Variants in ETV1 observed in about 807,000 individuals in gnomAD.
ETV1 encodes the protein ETS variant transcription factor 1.
ETV1 carries 27 observed loss-of-function variants against 62.3 expected under a neutral mutation model. The observed-to-expected ratio is 0.43, with a 90% confidence interval of 0.32 to 0.60. The LOEUF (loss-of-function observed/expected upper bound fraction) is 0.60, where lower values mean the gene tolerates loss of function less well. ETV1 is among the 20% of genes least tolerant of loss of function. The pLI, the probability that ETV1 is intolerant of heterozygous loss-of-function variation, is 0.06. For missense variants in ETV1, 605 were observed against 605.8 expected (o/e 1.00, Z 0.01); for synonymous variants, 222 against 199.6 (o/e 1.11, Z -0.94).
chr7:13,976,581 C>T (rs1167726648), intron 6 of ETV1, among the ~76,000 whole-genome samples: 1 of 152,136 alleles, frequency 6.6e-6, no homozygotes, highest in South Asian at 2.1e-4. Context: ...ATTTAGATGT[C>T]ACCAACAGAA....
intron 6 of ETV1, among the ~76,000 whole-genome samples, chr7:13,974,677 T>C (rs926138006): frequency 6.6e-6 from 1 of 152,210 alleles, no homozygotes; most frequent in Non-Finnish European, 1.5e-5. Flanking sequence ...CAATTTGAGG[T>C]TTATTGTAAA....
Position 13,989,604 on chromosome 7 carries a change from C to G in ETV1, c.-326G>C, listed in dbSNP as rs1583925200. On this transcript the variant is annotated 5_prime_UTR_variant, in exon 1 of 14. Coordinates refer to ENST00000430479, the MANE Select transcript of ETV1 (RefSeq NM_004956.5). ...GCGAAAGGCTGCAAAAACTTCCCTC[C>G]AAATTTAATAAAAACATTAATTATA... 5.0e-6 allele frequency: 2 copies of G among 398,908 alleles called. No individual in the cohort carries two copies. The highest frequency in any genetic ancestry group is 4.4e-6 in the Non-Finnish European group (1 of 226,120). The allele number at this position is 398,908 out of a possible 1,614,324, so 24.7% of individuals were successfully genotyped here. A position where few individuals can be genotyped will look rare whatever the true frequency, so the allele number is the denominator to read the frequency against.
At chr7:13,970,058 C>T (rs1285308250) in intron 6 of ETV1, among the ~76,000 whole-genome samples, 1 of 151,672 alleles carries the variant, frequency 6.6e-6, no homozygotes, top group African/African-American at 2.4e-5. Flanking sequence ...AGATGGAGAC[C>T]ATACTGGCTA....
chr7:13,947,322 A>C (rs539780269), intron 6 of ETV1, among the ~76,000 whole-genome samples: 1 of 151,946 alleles, frequency 6.6e-6, no homozygotes, highest in African/African-American at 2.4e-5. Flanking sequence ...TGTTGACTTA[A>C]CAAACTGGTT....
At chr7:13,969,994 C>T (rs951369939) in intron 6 of ETV1, among the ~76,000 whole-genome samples, 3 of 151,944 alleles carry the variant, frequency 2.0e-5, no homozygotes, top group Admixed American at 6.6e-5. Context: ...CAGTGGCTCA[C>T]GCCTGTAATC....
At position 13,989,459 on chromosome 7, in the gene ETV1, A is replaced by G. The variant is rs903862708; in HGVS notation, c.-279T>C. 4.8e-6 allele frequency: 2 copies of G among 417,702 alleles called. No individual in the cohort carries two copies. The highest frequency in any genetic ancestry group is 4.1e-5 in the African/African-American group (2 of 48,838). The allele number at this position is 417,702 out of a possible 1,614,324, so 25.9% of individuals were successfully genotyped here. ...ATCAACGAGACTTGCTTTGCACCTA[A>G]CGGGACTAAAGAGACGGAGACACCT... On this transcript the variant is annotated 5_prime_UTR_variant, in exon 2 of 14. Coordinates refer to ENST00000430479, the MANE Select transcript of ETV1 (RefSeq NM_004956.5).
chr7:13,898,040 T>C lies in ETV1; in HGVS notation c.1213-1953A>G, dbSNP rs372078410. Among the ~76,000 whole-genome samples, 110 of 152,352 alleles carry C rather than the reference T, an allele frequency of 7.2e-4. 1 individual carries two copies. In the South Asian group the frequency reaches 0.022, roughly 31 times the overall value. Reference sequence around the variant, plus strand: ...TCTCAAGGACTCTGCCTTTCCTCACTGCTTCCTTCTGTATTGCTTTTGAAT... The same window carrying C: ...TCTCAAGGACTCTGCCTTTCCTCACCGCTTCCTTCTGTATTGCTTTTGAAT... On this transcript the variant is annotated intron_variant, in intron 13 of 13. Transcript: ENST00000430479.
rs952145379 is a variant in ETV1 at position 13,893,418 on chromosome 7, T to C, written c.*2448A>G. On this transcript the variant is annotated 3_prime_UTR_variant, in exon 14 of 14. Coordinates refer to ENST00000430479, the MANE Select transcript of ETV1 (RefSeq NM_004956.5). ...ATGTAATATTTTCAACCCTTCTGTA[T>C]TGGAAATACACTTAATGTTGGTCAA... is the stretch of plus-strand genomic sequence containing the variant. 1.3e-5 allele frequency: 3 copies of C among 230,504 alleles called. No individual in the cohort carries two copies. Among genetic ancestry groups the C allele is most frequent in the South Asian group, 1.8e-4 (1 of 5,516 alleles). The allele number at this position is 230,504 out of a possible 1,614,324, so 14.3% of individuals were successfully genotyped here. A position where few individuals can be genotyped will look rare whatever the true frequency, so the allele number is the denominator to read the frequency against.
At position 13,895,435 on chromosome 7, in the gene ETV1, C is replaced by T. The variant is rs1161778134; in HGVS notation, c.*431G>A. The T allele has an allele frequency of 1.3e-5, 3 of 239,436 alleles. No homozygotes were observed. The highest frequency in any genetic ancestry group is 2.2e-5 in the African/African-American group (1 of 45,340). 14.8% of individuals were successfully genotyped at this position (239,436 alleles called of 1,614,324 possible). ...ACTCATAAATGACAGGGGAAAATGC[C>T]CAAGGCAAATAGTCTCCAAGTGGAT... On this transcript the variant is annotated 3_prime_UTR_variant, in exon 14 of 14. Transcript: ENST00000430479.
In ETV1 at chr7:13,911,280, A is replaced by G. The variant is rs1783538290; in HGVS notation, c.830T>C (p.Met277Thr). 1 of 1,612,994 alleles carries G rather than the reference A, an allele frequency of 6.2e-7. No individual in the cohort carries two copies. Among genetic ancestry groups the G allele is most frequent in the Admixed American group, 1.7e-5 (1 of 59,986 alleles). ...SEVPSCHSIYMRQEGFLAHPS... is the reference protein window; with the variant it reads ...SEVPSCHSIYTRQEGFLAHPS... ...ATGAGCCAGGAAGCCTTCTTGCCTCATATAAATGGAGTGGCAGCTAGGCAC... is the reference window on the plus strand; with the variant it reads ...ATGAGCCAGGAAGCCTTCTTGCCTCGTATAAATGGAGTGGCAGCTAGGCAC... The change falls in exon 10 of 14, where the codon ATG (methionine) becomes ACG (threonine). Residue 277 changes from methionine (M) to threonine (T), a missense_variant. Around this residue, in one of 3 missense-constraint regions of ETV1, gnomAD observed 426 missense variants for 377.8 expected, o/e 1.13. Transcript: ENST00000430479.
chr7:13,902,946 C>T (rs1461529764), intron 12 of ETV1, among the ~76,000 whole-genome samples: 1 of 152,170 alleles, frequency 6.6e-6, no homozygotes, highest in Non-Finnish European at 1.5e-5. Context: ...TCATATTCCT[C>T]ATAAAGTTGA....
chr7:13,902,520 G>T (rs1035135949), intron 12 of ETV1, among the ~76,000 whole-genome samples: 2 of 148,820 alleles, frequency 1.3e-5, no homozygotes, highest in Admixed American at 1.3e-4. Flanking sequence ...TGAAGCGGGG[G>T]TGGGGGCGCT....
intron 13 of ETV1, among the ~76,000 whole-genome samples, chr7:13,897,618 G>C (rs1312745597): frequency 6.6e-6 from 1 of 152,152 alleles, no homozygotes; most frequent in Non-Finnish European, 1.5e-5. Flanking sequence ...TGGGATGGAA[G>C]TCTCCAGCAC....
chr7:13,900,912 T>A, intron 12 of ETV1, 73 bp from the exon 13 acceptor site: 1 of 1,034,024 alleles, frequency 9.7e-7, no homozygotes, highest in Non-Finnish European at 1.4e-6. Flanking sequence ...ATTATTTAAT[T>A]AATTACTTCC....
intron 9 of ETV1, among the ~76,000 whole-genome samples, chr7:13,915,686 G>A (rs1784076819): frequency 6.6e-6 from 1 of 152,062 alleles, no homozygotes; most frequent in Admixed American, 6.5e-5. Flanking sequence ...ATTGTCACAT[G>A]TCAAATTGAG....
At chr7:13,954,643 T>A (rs1233394697) in intron 6 of ETV1, among the ~76,000 whole-genome samples, 1 of 152,198 alleles carries the variant, frequency 6.6e-6, no homozygotes, top group Non-Finnish European at 1.5e-5. Flanking sequence ...TTCCAGTCTG[T>A]ATGTAAAAAG....
At chr7:13,983,834 A>AGT in intron 5 of ETV1, among the ~76,000 whole-genome samples, 1 of 151,958 alleles carries the variant, frequency 6.6e-6, no homozygotes, top group South Asian at 2.1e-4. Flanking sequence ...GTAGAATGCA[A>AGT]GTATATTTTT....
intron 9 of ETV1, among the ~76,000 whole-genome samples, chr7:13,918,265 T>C (rs972658961): frequency 3.9e-5 from 6 of 152,156 alleles, no homozygotes; most frequent in African/African-American, 1.4e-4. Context: ...CTGGGTCAAA[T>C]GGTATTTCTA....
intron 6 of ETV1, among the ~76,000 whole-genome samples, chr7:13,953,505 C>T: frequency 6.6e-6 from 1 of 152,028 alleles, no homozygotes. Flanking sequence ...TTATTCGTAG[C>T]TGAGTAGGAG....
Sources: gnomAD v4.1 joint callset for allele counts (sites outside exome capture counted in the v4.1 genomes callset) on GRCh38, gnomAD v4.1.1 for gene constraint, gnomAD v4.1.1 regional missense constraint, MANE v1.5 for transcripts, NCBI Gene and HGNC (gene_info 2026-07-23, HGNC 2026-07-21) for gene names.